The following NBAS variants were observed in gnomAD, a reference collection of about 807,000 sequenced individuals.
NBAS encodes the protein NAG/BC035112 fusion.
A neutral mutation model predicts 302.5 loss-of-function variants in NBAS; 219 were observed. The observed-to-expected ratio is 0.72, with a 90% CI of 0.65 to 0.81. NBAS has a LOEUF of 0.81. NBAS is among the 30% of genes least tolerant of loss of function. The probability of loss-of-function intolerance (pLI) is 0.00; values close to 1 mark genes in which losing one functional copy is unlikely to be tolerated. For synonymous variants in NBAS, 1,118 were observed against 1,021.6 expected, an observed-to-expected ratio of 1.09 and a Z score of -1.80; for missense variants, 2,932 against 2,841.6, an observed-to-expected ratio of 1.03 and a Z score of -0.72.
the NBAS span, among the ~76,000 whole-genome samples, chr2:14,937,599 T>A: frequency 1.3e-5 from 2 of 152,018 alleles, no homozygotes; most frequent in African/African-American, 4.8e-5. Context: ...ACATCCTATT[T>A]TTTCTAGGGG....
intron 10 of NBAS, among the ~76,000 whole-genome samples, chr2:15,506,567 A>T (rs2148640466): frequency 6.6e-6 from 1 of 152,326 alleles, no homozygotes; most frequent in South Asian, 2.1e-4. Flanking sequence ...AGGTTATGGC[A>T]AAACAGTTTT....
At chr2:15,386,544 C>A (rs984012702) in intron 28 of NBAS, among the ~76,000 whole-genome samples, 1 of 152,148 alleles carries the variant, frequency 6.6e-6, no homozygotes, top group Non-Finnish European at 1.5e-5. Context: ...AGTCTCCCTA[C>A]AGATCTGGAA....
chr2:15,368,029 T>C (rs931545203), intron 31 of NBAS, among the ~76,000 whole-genome samples: 4 of 152,160 alleles, frequency 2.6e-5, no homozygotes, highest in African/African-American at 9.7e-5. Context: ...CACATATTTA[T>C]AATACACATA....
At chr2:15,371,923 T>C (rs1674505282) in intron 31 of NBAS, among the ~76,000 whole-genome samples, 1 of 152,166 alleles carries the variant, frequency 6.6e-6, no homozygotes, top group African/African-American at 2.4e-5. Flanking sequence ...AAAATACCTT[T>C]AAGTATAAAA....
rs373331371 is a variant in NBAS, at chr2:15,307,840, A to G, written c.4797+376T>C. Reference sequence around the variant, plus strand: ...AAAAAATAAAAGTGCAGTATTGCTCAAAGAATTATGTTGCCTACTTTCCTA... The same window carrying G: ...AAAAAATAAAAGTGCAGTATTGCTCGAAGAATTATGTTGCCTACTTTCCTA... On this transcript the variant is annotated intron_variant, in intron 40 of 51. Transcript: ENST00000281513. 3.3e-5 allele frequency among the ~76,000 whole-genome samples: 5 copies of G among 152,190 alleles called. No individual in the cohort carries two copies. In the East Asian group the frequency reaches 7.7e-4, roughly 23 times the overall value.
intron 20 of NBAS, 93 bp from the exon 21 acceptor site, chr2:15,461,430 G>T: frequency 7.5e-7 from 1 of 1,342,062 alleles, no homozygotes; most frequent in Non-Finnish European, 1.1e-6. Context: ...ACTTTTTTAT[G>T]CAGCTCTGAT....
chr2:15,128,661 T>C, the NBAS span, among the ~76,000 whole-genome samples: 2 of 151,990 alleles, frequency 1.3e-5, no homozygotes, highest in Non-Finnish European at 2.9e-5. Context: ...GCAGGGGAAA[T>C]GTGGGATCAG....
rs940401563 is a variant in NBAS at position 15,357,449 on chromosome 2, C to T, written c.3818-1033G>A. Among the ~76,000 whole-genome samples the T allele has an allele frequency of 3.9e-5, 6 of 152,270 alleles. No homozygotes were observed. The East Asian group carries it at 1.2e-3, about 29-fold the overall frequency. Reference sequence around the variant, plus strand: ...TTAATGAGCATAAGTTTACTTTTAACAAGCCCAATTTCTCTCTCTTACTGC... The same window carrying T: ...TTAATGAGCATAAGTTTACTTTTAATAAGCCCAATTTCTCTCTCTTACTGC... On this transcript the variant is annotated intron_variant, in intron 32 of 51. Coordinates refer to ENST00000281513, the MANE Select transcript of NBAS (RefSeq NM_015909.4).
chr2:14,853,585 T>A, the NBAS span, among the ~76,000 whole-genome samples: 2 of 83,272 alleles, frequency 2.4e-5, no homozygotes, highest in South Asian at 4.2e-4. Context: ...TATACCCAAA[T>A]GACTATAAAT....
the NBAS span, among the ~76,000 whole-genome samples, chr2:15,004,756 C>T: frequency 6.6e-6 from 1 of 151,428 alleles, no homozygotes; most frequent in Admixed American, 6.6e-5. Flanking sequence ...CGATCCACCC[C>T]CCCTTGGCTT....
chr2:15,483,269 T>C (rs1249897196), intron 12 of NBAS: 3 of 336,068 alleles, frequency 8.9e-6, no homozygotes, highest in African/African-American at 2.2e-5. Flanking sequence ...CACAGTCTGG[T>C]GAAATTGTGA....
chr2:14,858,030 TTC>T, the NBAS span, among the ~76,000 whole-genome samples: 1 of 152,116 alleles, frequency 6.6e-6, no homozygotes, highest in East Asian at 1.9e-4. Flanking sequence ...TAATGGTCAT[TTC>T]TCAAAAGAAG....
At chr2:15,503,654 C>T (rs1033309513) in intron 11 of NBAS, among the ~76,000 whole-genome samples, 1 of 152,172 alleles carries the variant, frequency 6.6e-6, no homozygotes, top group African/African-American at 2.4e-5. Flanking sequence ...TGGATCCATA[C>T]TCTTCCTGCT....
At chr2:15,495,513 A>G (rs765758940) in intron 11 of NBAS, among the ~76,000 whole-genome samples, 5 of 152,192 alleles carry the variant, frequency 3.3e-5, no homozygotes, top group Non-Finnish European at 7.3e-5. Context: ...GATAGAGAAA[A>G]AGAGACTTAA....
At chr2:15,111,914 T>G in the NBAS span, among the ~76,000 whole-genome samples, 6 of 147,698 alleles carry the variant, frequency 4.1e-5, no homozygotes, top group Non-Finnish European at 7.5e-5. Flanking sequence ...TTATATTAAT[T>G]AAATATTAAT....
chr2:14,896,196 G>A, the NBAS span, among the ~76,000 whole-genome samples: 1 of 151,830 alleles, frequency 6.6e-6, no homozygotes, highest in East Asian at 1.9e-4. Context: ...CAGTTTCCAG[G>A]GAGGCTCTTT....
chr2:14,974,642 C>T, the NBAS span, among the ~76,000 whole-genome samples: 1 of 152,174 alleles, frequency 6.6e-6, no homozygotes, highest in Admixed American at 6.5e-5. Context: ...GTTCATCTAG[C>T]CTAAGGGCCC....
chr2:15,330,834 T>C (rs765194350), intron 35 of NBAS, 69 bp from the exon 36 acceptor site: 118 of 1,501,846 alleles, frequency 7.9e-5, no homozygotes, highest in Non-Finnish European at 8.3e-5. Context: ...ACAGTGATAA[T>C]GTGACTGCTT....
Position 15,330,616 on chromosome 2 carries a change from A to C in NBAS, c.4329T>G (p.Thr1443=). 1.2e-5 allele frequency: 19 copies of C among 1,613,954 alleles called. No homozygotes were observed. The highest frequency in any genetic ancestry group is 1.5e-5 in the Non-Finnish European group (18 of 1,179,896). Residue 1443 remains threonine (T), a synonymous_variant, in exon 36 of 52, where the codon ACT becomes ACG. Transcript: ENST00000281513. The stretch of plus-strand genomic sequence containing the variant: ...TGCTTACCTGAAGGGGTCGAAGGTA[A>C]GTTAAAGACTTCTTCCACCACTGCC... The part of the protein sequence containing the change: ...SDGQWWKKSL[T]YLRPLQGQKC...
Sources: allele counts gnomAD v4.1 joint callset (sites outside exome capture counted in the v4.1 genomes callset), GRCh38; gene constraint gnomAD v4.1.1; transcripts MANE v1.5; gene names NCBI Gene and HGNC (gene_info 2026-07-23, HGNC 2026-07-21).